SAPCD2: variants seen among roughly 807,000 people sequenced by gnomAD.
SAPCD2 encodes the protein suppressor APC domain containing 2, also known as suppressor APC domain-containing protein 2.
SAPCD2 carries 34 observed loss-of-function variants against 37.8 expected under a neutral mutation model. The ratio of observed to expected loss-of-function variants is 0.90; its 90% CI spans 0.68 to 1.20. The LOEUF is 1.20. Ranked by LOEUF, SAPCD2 falls within the 50% of genes most tolerant of loss-of-function variation. The pLI is 0.00. For synonymous variants in SAPCD2, 275 were observed against 270.3 expected (o/e 1.02, Z -0.17); for missense variants, 572 against 584.7 (o/e 0.98, Z 0.22).
At chr9:137,069,843 G>A (rs1832598075) in intron 1 of SAPCD2, 47 bp downstream of exon 1, 1 of 1,198,060 alleles carries the variant, frequency 8.3e-7, no homozygotes, top group Non-Finnish European at 1.0e-6. Context: ...TTTCTGGCCC[G>A]GGCCCGGGAG....
chr9:137,067,872 C>A (rs1424747676), intron 1 of SAPCD2, among the ~76,000 whole-genome samples: 2 of 151,554 alleles, frequency 1.3e-5, no homozygotes, highest in South Asian at 2.1e-4. Flanking sequence ...TGCTCACAGA[C>A]CCCTGCTCTG....
Position 137,070,519 on chromosome 9 carries a change from G to T in SAPCD2, c.-59C>A. 9.1e-7 allele frequency: 1 copy of T among 1,103,256 alleles called. No homozygotes were observed. Among genetic ancestry groups the T allele is most frequent in the Non-Finnish European group, 1.1e-6 (1 of 879,734 alleles). The allele number at this position is 1,103,256 out of a possible 1,614,324, so 68.3% of individuals were successfully genotyped here. A position where few individuals can be genotyped will look rare whatever the true frequency, so the allele number is the denominator to read the frequency against. On this transcript the variant is annotated 5_prime_UTR_variant, in exon 1 of 6. Transcript: ENST00000409687. The stretch of plus-strand genomic sequence containing the variant: ...GTGCGTCCCAGCGCGGCCCCACGGA[G>T]GGGCCGGCCCGGCGAGCTCAGCCCA...
At chr9:137,069,342 C>A (rs1832591871) in intron 1 of SAPCD2, among the ~76,000 whole-genome samples, 1 of 152,218 alleles carries the variant, frequency 6.6e-6, no homozygotes, top group African/African-American at 2.4e-5. Context: ...TCCACCCACG[C>A]CCCTGCCCAT....
At position 137,065,557 on chromosome 9, in the gene SAPCD2, G is replaced by A. The variant is rs142964065; in HGVS notation, c.796C>T (p.Arg266Cys). Residue 266 changes from arginine (R) to cysteine (C), a missense_variant, in exon 3 of 6, where the codon CGC (arginine) becomes TGC (cysteine). Transcript: ENST00000409687. The part of the protein sequence containing the change: ...YQQQLQRVQE[R>C]QRRLGQSRAS... ...CTGCTCTGGCCCAGGCGGCGCTGGC[G>A]CTCCTGCACTCGTTGCAGCTGCTGC... is the stretch of plus-strand genomic sequence containing the variant. 1.5e-3 allele frequency: 2,491 copies of A among 1,607,388 alleles called. 38 individuals carry two copies. The African/African-American group carries it at 0.022, about 14-fold the overall frequency.
chr9:137,070,243 C>T lies in SAPCD2; in HGVS notation c.218G>A (p.Arg73His). ...ELPRGVLEGLRQVAPASGYLT... is the reference protein window; with the variant it reads ...ELPRGVLEGLHQVAPASGYLT... ...GTAGCCGCTGGCCGGGGCCACCTGG[C>T]GCAAGCCCTCCAGCACCCCGCGGGG... The change falls in exon 1 of 6, where the codon CGC (arginine) becomes CAC (histidine). Residue 73 changes from arginine (R) to histidine (H), a missense_variant. Coordinates refer to ENST00000409687, the MANE Select transcript of SAPCD2 (RefSeq NM_178448.4). 1 of 1,419,436 alleles carries T rather than the reference C, an allele frequency of 7.0e-7. No homozygotes were observed. Among genetic ancestry groups the T allele is most frequent in the South Asian group, 1.4e-5 (1 of 72,254 alleles). The allele number at this position is 1,419,436 out of a possible 1,614,324, so 87.9% of individuals were successfully genotyped here. A position where few individuals can be genotyped will look rare whatever the true frequency, so the allele number is the denominator to read the frequency against.
Position 137,070,306 on chromosome 9 carries a change from A to G in SAPCD2, c.155T>C (p.Ile52Thr). ...RRRGCVHLRE[I>T]ESRWQGTDAR... The stretch of plus-strand genomic sequence containing the variant: ...GTCGGTGCCCTGCCAGCGGGACTCG[A>G]TCTCGCGCAGGTGCACGCAGCCGCG... Residue 52 changes from isoleucine to threonine, a missense_variant, in exon 1 of 6, where the codon ATC becomes ACC. Coordinates refer to ENST00000409687, the MANE Select transcript of SAPCD2 (RefSeq NM_178448.4). 1 of 1,482,128 alleles carries G rather than the reference A, an allele frequency of 6.7e-7. No individual in the cohort carries two copies. The highest frequency in any genetic ancestry group is 2.9e-5 in the East Asian group (1 of 34,918). 91.8% of individuals were successfully genotyped at this position (1,482,128 alleles called of 1,614,324 possible).
chr9:137,065,365 G>A lies in SAPCD2; in HGVS notation c.831+157C>T, dbSNP rs150488736. Reference sequence around the variant, plus strand: ...CCAAGACACCTTAGGCCCTAGGAGTGGGGCAGCCACAGGCGGAGAAAGGGA... The same window carrying A: ...CCAAGACACCTTAGGCCCTAGGAGTAGGGCAGCCACAGGCGGAGAAAGGGA... On this transcript the variant is annotated intron_variant, in intron 3 of 5. Transcript: ENST00000409687. Among the ~76,000 whole-genome samples, 12 of 152,280 alleles carry A rather than the reference G, an allele frequency of 7.9e-5. No homozygotes were observed. The East Asian group carries it at 2.3e-3, about 29-fold the overall frequency.
chr9:137,064,921 G>C lies in SAPCD2; in HGVS notation c.998C>G (p.Pro333Arg). 3.9e-6 allele frequency: 6 copies of C among 1,557,186 alleles called. No homozygotes were observed. Among genetic ancestry groups the C allele is most frequent in the East Asian group, 2.4e-5 (1 of 41,538 alleles). Residue 333 changes from proline (P) to arginine (R), a missense_variant, in exon 5 of 6, where the codon CCG becomes CGG. By Grantham distance (103) the Pro-to-Arg change is moderately radical. Transcript: ENST00000409687. Reference sequence around the variant, plus strand: ...GAGGATGGTCTGCTGCTGCCAGACCGGGGGTGAGGTGGACGTCAGGGCAGG... The same window carrying C: ...GAGGATGGTCTGCTGCTGCCAGACCCGGGGTGAGGTGGACGTCAGGGCAGG... ...PCPALTSTSPPVWQQQTILML... is the reference protein window; with the variant it reads ...PCPALTSTSPRVWQQQTILML...
At position 137,065,566 on chromosome 9, in the gene SAPCD2, C is replaced by G. The variant is rs772441411; in HGVS notation, c.787G>C (p.Val263Leu). The G allele has an allele frequency of 1.2e-6, 2 of 1,609,978 alleles. No individual in the cohort carries two copies. The highest frequency in any genetic ancestry group is 1.7e-6 in the Non-Finnish European group (2 of 1,178,008). The change falls in exon 3 of 6, where the codon GTG becomes CTG. Residue 263 changes from valine to leucine, a missense_variant. Coordinates refer to ENST00000409687, the MANE Select transcript of SAPCD2 (RefSeq NM_178448.4). ...RDWYQQQLQR[V>L]QERQRRLGQS... ...CCCAGGCGGCGCTGGCGCTCCTGCA[C>G]TCGTTGCAGCTGCTGCTGGTACCAG...
Position 137,066,742 on chromosome 9 carries a change from G to C in SAPCD2, c.572-368C>G, listed in dbSNP as rs188500495. ...GCAGCTGGGTAAGGGAGGAGTGGGC[G>C]GGGGGGTTCTGGTCCTGACTACGCC... On this transcript the variant is annotated intron_variant, in intron 1 of 5. Coordinates refer to ENST00000409687, the MANE Select transcript of SAPCD2 (RefSeq NM_178448.4). 5.1e-4 allele frequency among the ~76,000 whole-genome samples: 77 copies of C among 152,202 alleles called. 1 individual carries two copies. Among genetic ancestry groups the C allele is most frequent in the Admixed American group, 4.9e-3 (75 of 15,300 alleles).
chr9:137,070,373 GC>G lies in SAPCD2; in HGVS notation c.87del (p.Gln30ArgfsTer53). ...ATGTCGAACAGGGTGCGCAGGCTCT[GC>G]AGGAAGGCGCGCGGCAGCCCCTCCG... ...PSTEGLPRAF[L>X]QSLRTLFDIL... On this transcript the variant is annotated frameshift_variant, in exon 1 of 6. Coordinates refer to ENST00000409687, the MANE Select transcript of SAPCD2 (RefSeq NM_178448.4). LOFTEE classifies it high-confidence loss of function. 1 of 1,413,464 alleles carries G rather than the reference GC, an allele frequency of 7.1e-7. No individual in the cohort carries two copies. Among genetic ancestry groups the G allele is most frequent in the Non-Finnish European group, 9.3e-7 (1 of 1,079,936 alleles). 87.6% of individuals were successfully genotyped at this position (1,413,464 alleles called of 1,614,324 possible). A position where few individuals can be genotyped will look rare whatever the true frequency, so the allele number is the denominator to read the frequency against.
chr9:137,067,600 C>T (rs1002975183), intron 1 of SAPCD2, among the ~76,000 whole-genome samples: 1 of 150,922 alleles, frequency 6.6e-6, no homozygotes, highest in Non-Finnish European at 1.5e-5. Context: ...ATGGTGAAAC[C>T]CTGTCTCTAC....
chr9:137,064,969 G>A lies in SAPCD2; in HGVS notation c.950C>T (p.Pro317Leu), dbSNP rs1163016588. The stretch of plus-strand genomic sequence containing the variant: ...AGGGCAGGGGGGCCCGGAGGAGGAC[G>A]GGGGCAGGGCCTGCGGGAGGGCAGG... The part of the protein sequence containing the change: ...AAACASRALP[P>L]SSSGPPCPAL... The change falls in exon 5 of 6, where the codon CCG (proline) becomes CTG (leucine). Residue 317 changes from proline to leucine, a missense_variant. By Grantham distance (98) the Pro-to-Leu change is moderately conservative. Transcript: ENST00000409687. 69 of 1,525,816 alleles carry A rather than the reference G, an allele frequency of 4.5e-5. No homozygotes were observed. The highest frequency in any genetic ancestry group is 5.9e-5 in the Non-Finnish European group (66 of 1,127,398). The allele number at this position is 1,525,816 out of a possible 1,614,324, so 94.5% of individuals were successfully genotyped here.
Position 137,070,128 on chromosome 9 carries a change from C to T in SAPCD2, c.333G>A (p.Arg111=). ...GCGGCGGCGGCGGCTGATCCCCGGG[C>T]CGGGCCGGGGCGCGCGTGGGGTCCC... ...GPRDPTRAPA[R]PGDQPPPPPQ... The change falls in exon 1 of 6, where the codon CGG becomes CGA. Residue 111 remains arginine (R), a synonymous_variant. Transcript: ENST00000409687. 8.4e-7 allele frequency: 1 copy of T among 1,194,702 alleles called. No homozygotes were observed. Among genetic ancestry groups the T allele is most frequent in the Non-Finnish European group, 1.0e-6 (1 of 965,446 alleles). The allele number at this position is 1,194,702 out of a possible 1,614,324, so 74.0% of individuals were successfully genotyped here. A position where few individuals can be genotyped will look rare whatever the true frequency, so the allele number is the denominator to read the frequency against.
chr9:137,066,036 C>A (rs1324294387), intron 2 of SAPCD2, among the ~76,000 whole-genome samples: 1 of 152,212 alleles, frequency 6.6e-6, no homozygotes, highest in Non-Finnish European at 1.5e-5. Flanking sequence ...CCTCGTGAGG[C>A]GGGCTGGGCA....
In SAPCD2 at chr9:137,064,310, A is replaced by C; in HGVS notation, c.*349T>G. ...TGGCGTGGGCAGTGCCTTTCCCTGAAGATGGGACCCAGGGCGGCACCGCTG... is the reference window on the plus strand; with the variant it reads ...TGGCGTGGGCAGTGCCTTTCCCTGACGATGGGACCCAGGGCGGCACCGCTG... On this transcript the variant is annotated 3_prime_UTR_variant, in exon 6 of 6. Coordinates refer to ENST00000409687, the MANE Select transcript of SAPCD2 (RefSeq NM_178448.4). 1 of 353,140 alleles carries C rather than the reference A, an allele frequency of 2.8e-6. No homozygotes were observed. The highest frequency in any genetic ancestry group is 5.3e-6 in the Non-Finnish European group (1 of 189,040). 21.9% of individuals were successfully genotyped at this position (353,140 alleles called of 1,614,324 possible).
In SAPCD2 at chr9:137,070,107, C is replaced by T. The variant is rs1832602873; in HGVS notation, c.354G>A (p.Pro118=). The T allele has an allele frequency of 8.4e-7, 1 of 1,189,340 alleles. No individual in the cohort carries two copies. The highest frequency in any genetic ancestry group is 3.6e-5 in the East Asian group (1 of 27,526). 73.7% of individuals were successfully genotyped at this position (1,189,340 alleles called of 1,614,324 possible). A position where few individuals can be genotyped will look rare whatever the true frequency, so the allele number is the denominator to read the frequency against. ...APARPGDQPP[P]PPQRLVFAPA... ...GAGCGAACACCAGGCGCTGCGGCGG[C>T]GGCGGCGGCTGATCCCCGGGCCGGG... Residue 118 remains proline (P), a synonymous_variant, in exon 1 of 6, where the codon CCG becomes CCA. Coordinates refer to ENST00000409687, the MANE Select transcript of SAPCD2 (RefSeq NM_178448.4).
Position 137,064,267 on chromosome 9 carries a change from G to A in SAPCD2, c.*392C>T, listed in dbSNP as rs757066181. The A allele has an allele frequency of 2.7e-5, 7 of 257,046 alleles. No homozygotes were observed. The highest frequency in any genetic ancestry group is 3.9e-5 in the South Asian group (1 of 25,726). 15.9% of individuals were successfully genotyped at this position (257,046 alleles called of 1,614,324 possible). A position where few individuals can be genotyped will look rare whatever the true frequency, so the allele number is the denominator to read the frequency against. ...AGCCGCCCCGCGCCCTCTGCTGCCCGTTGTTGGAAGTGCAGCCTGGCGTGG... is the reference window on the plus strand; with the variant it reads ...AGCCGCCCCGCGCCCTCTGCTGCCCATTGTTGGAAGTGCAGCCTGGCGTGG... On this transcript the variant is annotated 3_prime_UTR_variant, in exon 6 of 6. Transcript: ENST00000409687.
intron 1 of SAPCD2, among the ~76,000 whole-genome samples, chr9:137,068,047 C>T (rs529988511): frequency 1.3e-5 from 2 of 152,182 alleles, no homozygotes; most frequent in Non-Finnish European, 2.9e-5. Context: ...AGCCCCAGCA[C>T]CAGGCACATC....
Sources: allele counts gnomAD v4.1 joint callset (sites outside exome capture counted in the v4.1 genomes callset), GRCh38; gene constraint gnomAD v4.1.1; transcripts MANE v1.5; gene names NCBI Gene and HGNC (gene_info 2026-07-23, HGNC 2026-07-21).